Variants in MAPK4 observed in about 807,000 individuals in gnomAD.
The protein encoded by MAPK4 is Erk3-related.
Under a neutral mutation model 47.7 loss-of-function variants are expected in MAPK4, and 22 were observed. The ratio of observed to expected loss-of-function variants is 0.46; its 90% CI spans 0.33 to 0.66. The LOEUF (loss-of-function observed/expected upper bound fraction) is 0.66, where lower values mean the gene tolerates loss of function less well. Ranked by LOEUF, MAPK4 falls within the 30% of genes least tolerant of loss-of-function variation. The pLI, the probability that MAPK4 is intolerant of heterozygous loss-of-function variation, is 0.02. For missense variants in MAPK4, 736 were observed against 831.7 expected, an observed-to-expected ratio of 0.88 and a Z score of 1.42; for synonymous variants, 390 against 365.7, an observed-to-expected ratio of 1.07 and a Z score of -0.76.
intron 1 of MAPK4, among the ~76,000 whole-genome samples, chr18:50,590,111 C>G (rs1428518028): frequency 6.6e-6 from 1 of 152,186 alleles, no homozygotes; most frequent in Non-Finnish European, 1.5e-5. Flanking sequence ...CAGTGTTTCT[C>G]CCTGTCTTCC....
chr18:50,670,152 C>T (rs973593253), intron 2 of MAPK4: 1 of 116,756 alleles, frequency 8.6e-6, no homozygotes, highest in Non-Finnish European at 1.9e-5. Flanking sequence ...GAGCAAGACT[C>T]CATCTCAAAA....
chr18:50,706,603 A>G (rs540404568), intron 2 of MAPK4, among the ~76,000 whole-genome samples: 8 of 152,314 alleles, frequency 5.3e-5, no homozygotes, highest in African/African-American at 1.9e-4. Context: ...TCTTACTAAA[A>G]GAAGCCATTT....
At position 50,629,244 on chromosome 18, in the gene MAPK4, C is replaced by T. The variant is rs1241795822; in HGVS notation, c.-870-33845C>T. Among the ~76,000 whole-genome samples, 9 of 152,284 alleles carry T rather than the reference C, an allele frequency of 5.9e-5. No individual in the cohort carries two copies. The East Asian group carries it at 9.7e-4, about 16-fold the overall frequency. On this transcript the variant is annotated intron_variant, in intron 1 of 5. Coordinates refer to ENST00000400384, the MANE Select transcript of MAPK4 (RefSeq NM_002747.4). ...TGAGAGAATCATGTAACAAGCTTGA[C>T]GTGTGTTGTTAATTCCCCAAGCGGT...
intron 1 of MAPK4, among the ~76,000 whole-genome samples, chr18:50,567,591 T>A (rs1014297695): frequency 6.6e-6 from 1 of 152,240 alleles, no homozygotes; most frequent in Non-Finnish European, 1.5e-5. Flanking sequence ...CTATAAATGA[T>A]GAAATTTCAC....
At chr18:50,608,310 A>G (rs2149375847) in intron 1 of MAPK4, among the ~76,000 whole-genome samples, 1 of 152,342 alleles carries the variant, frequency 6.6e-6, no homozygotes, top group Admixed American at 6.5e-5. Flanking sequence ...AGTAGATAAG[A>G]TGTCAATTAT....
At chr18:50,611,681 G>A (rs568790737) in intron 1 of MAPK4, among the ~76,000 whole-genome samples, 14 of 152,184 alleles carry the variant, frequency 9.2e-5, no homozygotes, top group Non-Finnish European at 1.9e-4. Flanking sequence ...ATGACGTAGC[G>A]TTTGATCTTC....
intron 1 of MAPK4, among the ~76,000 whole-genome samples, chr18:50,561,616 C>T (rs1395573177): frequency 2.0e-5 from 3 of 152,098 alleles, no homozygotes; most frequent in East Asian, 1.9e-4. Flanking sequence ...TTTTGGGGTA[C>T]GGATAGAAAC....
At chr18:50,692,892 G>A (rs2144354514) in intron 2 of MAPK4, among the ~76,000 whole-genome samples, 1 of 152,274 alleles carries the variant, frequency 6.6e-6, no homozygotes, top group Middle Eastern at 3.4e-3. Flanking sequence ...AGTAAGGACA[G>A]CAGCTCCTCC....
intron 1 of MAPK4, among the ~76,000 whole-genome samples, chr18:50,652,715 G>A (rs1205624816): frequency 1.3e-5 from 2 of 152,108 alleles, no homozygotes; most frequent in South Asian, 2.1e-4. Context: ...TGCCCTCACT[G>A]CACTTCCAGT....
rs1907386446 is a variant in MAPK4 at position 50,663,370 on chromosome 18, A to G, written c.-589A>G. 1 of 152,202 alleles carries G rather than the reference A, an allele frequency of 6.6e-6. No homozygotes were observed. Among genetic ancestry groups the G allele is most frequent in the African/African-American group, 2.4e-5 (1 of 41,434 alleles). 9.4% of individuals were successfully genotyped at this position (152,202 alleles called of 1,614,324 possible). ...TTGGAATCTAAGGTGAGCTGGTAGA[A>G]ACAGGAGAGGTAGAAAGAAGCCCCT... On this transcript the variant is annotated 5_prime_UTR_variant, in exon 2 of 6. Coordinates refer to ENST00000400384, the MANE Select transcript of MAPK4 (RefSeq NM_002747.4).
intron 2 of MAPK4, among the ~76,000 whole-genome samples, chr18:50,690,585 T>C (rs7242456): frequency 1.1e-3 from 173 of 152,330 alleles, no homozygotes; most frequent in African/African-American, 3.8e-3. Flanking sequence ...TCATCTGTAA[T>C]AGATGAAGGA....
intron 1 of MAPK4, among the ~76,000 whole-genome samples, chr18:50,589,740 GT>G (rs1322966592): frequency 1.3e-5 from 2 of 152,170 alleles, no homozygotes; most frequent in Non-Finnish European, 2.9e-5. Context: ...TTCTCTTTCA[GT>G]TTCAGTCCAT....
chr18:50,698,506 C>G (rs1448537387), intron 2 of MAPK4, among the ~76,000 whole-genome samples: 1 of 152,136 alleles, frequency 6.6e-6, no homozygotes, highest in East Asian at 1.9e-4. Flanking sequence ...AAAATTGAAT[C>G]AGTAGCTAAA....
Position 50,599,656 on chromosome 18 carries a change from C to T in MAPK4, c.-871+39413C>T, listed in dbSNP as rs140886642. 4.3e-4 allele frequency among the ~76,000 whole-genome samples: 66 copies of T among 152,202 alleles called. No homozygotes were observed. The East Asian group carries it at 0.011, about 26-fold the overall frequency. ...CTGGTCTTGAACTCCTGGGCTCAAG[C>T]GGTCCACCTCCCTCAGCTTCCCAAA... On this transcript the variant is annotated intron_variant, in intron 1 of 5. Coordinates refer to ENST00000400384, the MANE Select transcript of MAPK4 (RefSeq NM_002747.4).
At chr18:50,568,315 T>C (rs2042220064) in intron 1 of MAPK4, among the ~76,000 whole-genome samples, 1 of 152,220 alleles carries the variant, frequency 6.6e-6, no homozygotes, top group South Asian at 2.1e-4. Context: ...ATAGAGCTGC[T>C]TGTTAGTTCC....
chr18:50,666,327 C>T (rs1358511284), intron 2 of MAPK4, among the ~76,000 whole-genome samples: 1 of 152,200 alleles, frequency 6.6e-6, no homozygotes, highest in African/African-American at 2.4e-5. Flanking sequence ...TCACTTACCC[C>T]CTGGGAGCCT....
intron 5 of MAPK4, among the ~76,000 whole-genome samples, chr18:50,727,474 T>C (rs1053302149): frequency 1.3e-5 from 2 of 152,176 alleles, no homozygotes; most frequent in African/African-American, 4.8e-5. Flanking sequence ...TCAATTGTTG[T>C]TTTCAAGCAT....
chr18:50,639,061 C>A (rs894787143), intron 1 of MAPK4, among the ~76,000 whole-genome samples: 1 of 152,184 alleles, frequency 6.6e-6, no homozygotes, highest in Non-Finnish European at 1.5e-5. Context: ...TGGGGGAGAG[C>A]AGCTGCCTCC....
intron 4 of MAPK4, among the ~76,000 whole-genome samples, chr18:50,725,581 C>T (rs1021796068): frequency 1.3e-5 from 2 of 152,184 alleles, no homozygotes; most frequent in African/African-American, 4.8e-5. Flanking sequence ...ACAGGAGTAA[C>T]CTGTCATGAG....
Sources: gnomAD v4.1 joint callset for allele counts (sites outside exome capture counted in the v4.1 genomes callset) on GRCh38, gnomAD v4.1.1 for gene constraint, MANE v1.5 for transcripts, NCBI Gene and HGNC (gene_info 2026-07-23, HGNC 2026-07-21) for gene names.